FAAH2: variants seen among roughly 807,000 people sequenced by gnomAD.
The protein encoded by FAAH2 is fatty-acid amide hydrolase 2.
In FAAH2, 60 loss-of-function variants were observed where a neutral mutation model predicts 36.9. That is an observed-to-expected ratio of 1.63 (90% CI 1.32 to 2.02). The LOEUF is 2.02. Ranked by LOEUF, FAAH2 falls within the 30% of genes most tolerant of loss-of-function variation. The pLI is 0.00. For missense variants in FAAH2, 689 were observed against 397.5 expected (o/e 1.73, Z -6.23); for synonymous variants, 214 against 143.8 (o/e 1.49, Z -3.49).
At chrX:57,163,952 G>A in the FAAH2 span, among the ~76,000 whole-genome samples, 2 of 112,400 alleles carry the variant, frequency 1.8e-5, no homozygotes, top group Admixed American at 1.9e-4. Context: ...AAATGCTGTG[G>A]AATTCTGATG....
intron 3 of FAAH2, among the ~76,000 whole-genome samples, chrX:57,323,746 T>C (rs1222039664): frequency 1.3e-3 from 142 of 105,630 alleles, no homozygotes; most frequent in Non-Finnish European, 2.2e-3. Flanking sequence ...ATTAGCCCTT[T>C]GTCAGATGTG....
intron 10 of FAAH2, chrX:57,452,174 T>G: frequency 1.3e-6 from 1 of 754,345 alleles, no homozygotes; most frequent in Non-Finnish European, 1.6e-6. Flanking sequence ...TATCCTGAGA[T>G]GAACAGCATT....
the FAAH2 span, among the ~76,000 whole-genome samples, chrX:57,263,527 T>C: frequency 2.7e-5 from 3 of 112,042 alleles, no homozygotes; most frequent in African/African-American, 9.7e-5. Flanking sequence ...TCCAAATTAA[T>C]ATACAAATTT....
chrX:57,190,278 A>G, the FAAH2 span, among the ~76,000 whole-genome samples: 1 of 109,933 alleles, frequency 9.1e-6, no homozygotes, highest in Non-Finnish European at 1.9e-5. Context: ...GGTTGACTTC[A>G]GACTGCTGTG....
intron 7 of FAAH2, among the ~76,000 whole-genome samples, chrX:57,383,404 A>T (rs1340752186): frequency 8.9e-6 from 1 of 112,156 alleles, no homozygotes; most frequent in Admixed American, 9.4e-5. Context: ...TGCTGATGAC[A>T]TGATTGTATA....
At chrX:57,337,704 TC>T (rs1297874098) in intron 4 of FAAH2, among the ~76,000 whole-genome samples, 6 of 111,808 alleles carry the variant, frequency 5.4e-5, no homozygotes, top group African/African-American at 2.0e-4. Flanking sequence ...AAATTCAACA[TC>T]CCTTTATGTT....
intron 10 of FAAH2, among the ~76,000 whole-genome samples, chrX:57,461,396 G>A (rs1023783338): frequency 1.8e-5 from 2 of 111,280 alleles, no homozygotes; most frequent in South Asian, 3.7e-4. Flanking sequence ...TGACCACATA[G>A]TTGGAAGTAA....
the FAAH2 span, among the ~76,000 whole-genome samples, chrX:57,169,835 C>T: frequency 0.01 from 1,085 of 105,665 alleles, 13 homozygotes; most frequent in African/African-American, 0.036. Context: ...TGAGTTAATT[C>T]CTTAACATTA....
At chrX:57,373,584 C>T (rs1389699221) in intron 5 of FAAH2, among the ~76,000 whole-genome samples, 6 of 110,416 alleles carry the variant, frequency 5.4e-5, no homozygotes, top group Non-Finnish European at 7.6e-5. Flanking sequence ...GTTTTCTTCT[C>T]GCTAATTTGT....
At chrX:57,281,445 T>C in the FAAH2 span, among the ~76,000 whole-genome samples, 2 of 112,121 alleles carry the variant, frequency 1.8e-5, no homozygotes, top group African/African-American at 3.2e-5. Context: ...TTTGTTTTTA[T>C]ATTAGTTAGT....
the FAAH2 span, among the ~76,000 whole-genome samples, chrX:57,202,217 G>A: frequency 8.9e-6 from 1 of 111,904 alleles, no homozygotes; most frequent in East Asian, 2.8e-4. Flanking sequence ...TAGTGTCTGA[G>A]CATTGAAAAG....
chrX:57,292,827 G>A, intron 2 of FAAH2, among the ~76,000 whole-genome samples: 1 of 111,568 alleles, frequency 9.0e-6, no homozygotes. Context: ...TGTTGTTTTT[G>A]CATATCCAAC....
intron 5 of FAAH2, among the ~76,000 whole-genome samples, chrX:57,363,013 C>T (rs1189331747): frequency 9.0e-6 from 1 of 111,504 alleles, no homozygotes; most frequent in Non-Finnish European, 1.9e-5. Flanking sequence ...TAATGTGATG[C>T]CTCCAGCTTT....
the FAAH2 span, among the ~76,000 whole-genome samples, chrX:57,229,711 C>G: frequency 3.6e-5 from 4 of 111,262 alleles, no homozygotes; most frequent in Non-Finnish European, 7.6e-5. Context: ...CTTGGCTAGT[C>G]TATTATCATG....
chrX:57,311,542 C>G (rs1023318079), intron 3 of FAAH2, among the ~76,000 whole-genome samples: 1 of 111,890 alleles, frequency 8.9e-6, no homozygotes, highest in Non-Finnish European at 1.9e-5. Context: ...GTGCTCTGGG[C>G]AGCTCCAGCT....
At chrX:57,195,735 G>T in the FAAH2 span, among the ~76,000 whole-genome samples, 13 of 112,098 alleles carry the variant, frequency 1.2e-4, no homozygotes, top group African/African-American at 3.6e-4. Flanking sequence ...TAGGGTTTCA[G>T]GTCTTAGGTT....
chrX:57,346,491 G>A (rs1039067316), intron 5 of FAAH2, among the ~76,000 whole-genome samples: 5 of 111,773 alleles, frequency 4.5e-5, no homozygotes, highest in African/African-American at 1.6e-4. Context: ...CCATCGCGTT[G>A]CTTTGAGCCT....
chrX:57,382,676 C>A (rs759567675), intron 7 of FAAH2, among the ~76,000 whole-genome samples: 24 of 111,430 alleles, frequency 2.2e-4, no homozygotes, highest in Admixed American at 6.7e-4. Context: ...AAACTGAGGC[C>A]ATAATTAATA....
intron 3 of FAAH2, among the ~76,000 whole-genome samples, chrX:57,326,330 A>G (rs1465907148): frequency 5.0e-4 from 57 of 113,727 alleles, no homozygotes; most frequent in African/African-American, 1.8e-3. Flanking sequence ...TTTGGGGTGG[A>G]GAGTTCTGTA....
Sources: allele counts gnomAD v4.1 joint callset (sites outside exome capture counted in the v4.1 genomes callset), GRCh38; gene constraint gnomAD v4.1.1; transcripts MANE v1.5; gene names NCBI Gene and HGNC (gene_info 2026-07-23, HGNC 2026-07-21).